The following GRK5 variants were observed in gnomAD, a reference collection of about 807,000 sequenced individuals.
GRK5 encodes G protein-coupled receptor kinase 5.
GRK5 carries 40 observed loss-of-function variants against 78.4 expected under a neutral mutation model. The ratio of observed to expected loss-of-function variants is 0.51; its 90% CI spans 0.40 to 0.66. The LOEUF is 0.66. Among genes scored for constraint, GRK5 ranks in the 30% least tolerant of loss-of-function variants. GRK5 has a pLI of 0.00. For synonymous variants in GRK5, 289 were observed against 296.8 expected, an observed-to-expected ratio of 0.97 and a Z score of 0.27; for missense variants, 598 against 759.9, an observed-to-expected ratio of 0.79 and a Z score of 2.50.
At chr10:119,298,251 C>T (rs1464813432) in intron 1 of GRK5, among the ~76,000 whole-genome samples, 2 of 152,174 alleles carry the variant, frequency 1.3e-5, no homozygotes, top group African/African-American at 4.8e-5. Context: ...ATATACAAGG[C>T]ACAATTCCAA....
intron 2 of GRK5, chr10:119,333,753 C>CA (rs779017406): frequency 9.4e-6 from 5 of 532,214 alleles, no homozygotes; most frequent in African/African-American, 1.9e-5. Flanking sequence ...GCACTGAAAA[C>CA]ATGCTGTCCA....
intron 4 of GRK5, among the ~76,000 whole-genome samples, chr10:119,406,945 G>A (rs1053011280): frequency 6.6e-6 from 1 of 152,204 alleles, no homozygotes; most frequent in East Asian, 1.9e-4. Flanking sequence ...CATATTCCAT[G>A]TTTTGCTAAG....
intron 1 of GRK5, among the ~76,000 whole-genome samples, chr10:119,255,101 G>A (rs1322505383): frequency 6.6e-6 from 1 of 151,634 alleles, no homozygotes; most frequent in Non-Finnish European, 1.5e-5. Context: ...GTATGTATGC[G>A]CAGGTAAGGT....
At chr10:119,389,101 A>T (rs1022800254) in intron 3 of GRK5, among the ~76,000 whole-genome samples, 4 of 152,234 alleles carry the variant, frequency 2.6e-5, no homozygotes, top group African/African-American at 4.8e-5. Context: ...AGGATTATTG[A>T]AGGCCACCTT....
chr10:119,380,902 G>A lies in GRK5; in HGVS notation c.236G>A (p.Cys79Tyr), dbSNP rs777814696. The A allele has an allele frequency of 3.1e-6, 5 of 1,612,080 alleles. No homozygotes were observed. In the South Asian group the frequency reaches 5.5e-5, roughly 18 times the overall value. ...TGTGAAACCAGGCCTGGGCTGGAGT[G>A]TTACATTCAGTTCCTGGACTCCGTG... ...QFCETRPGLE[C>Y]YIQFLDSVAE... Residue 79 changes from cysteine to tyrosine, a missense_variant, in exon 3 of 16, where the codon TGT becomes TAT. Cys to Tyr is a radical substitution (Grantham distance 194). Coordinates refer to ENST00000392870, the MANE Select transcript of GRK5 (RefSeq NM_005308.3).
At chr10:119,383,543 A>T (rs968252316) in intron 3 of GRK5, among the ~76,000 whole-genome samples, 1 of 152,256 alleles carries the variant, frequency 6.6e-6, no homozygotes, top group Non-Finnish European at 1.5e-5. Context: ...GAAATGGTTG[A>T]TTCTTTTCTC....
intron 1 of GRK5, among the ~76,000 whole-genome samples, chr10:119,283,844 A>T (rs1437698132): frequency 1.3e-5 from 2 of 152,212 alleles, no homozygotes; most frequent in Non-Finnish European, 2.9e-5. Context: ...CTGGCAAGAG[A>T]ATGTTTCAAG....
chr10:119,251,756 C>T (rs1475360914), intron 1 of GRK5, among the ~76,000 whole-genome samples: 1 of 152,134 alleles, frequency 6.6e-6, no homozygotes, highest in African/African-American at 2.4e-5. Context: ...CCGGCCTGTG[C>T]GTTGGATGAT....
intron 1 of GRK5, among the ~76,000 whole-genome samples, chr10:119,228,343 T>A: frequency 1.4e-5 from 2 of 147,156 alleles, no homozygotes; most frequent in Non-Finnish European, 1.5e-5. Context: ...ATACCCTGTC[T>A]CAAAAAAAAC....
intron 11 of GRK5, among the ~76,000 whole-genome samples, chr10:119,442,910 T>A (rs6421375): frequency 0.99 from 150,461 of 152,182 alleles, 74,399 homozygotes; most frequent in Middle Eastern, 1. Context: ...GGATGGATGG[T>A]TGGATGGATG....
intron 2 of GRK5, among the ~76,000 whole-genome samples, chr10:119,341,739 C>T (rs951179279): frequency 6.6e-6 from 1 of 152,080 alleles, no homozygotes; most frequent in Admixed American, 6.5e-5. Context: ...CTTGTAGAAT[C>T]TTGTTTAGAT....
chr10:119,345,192 T>C (rs1026338399), intron 2 of GRK5, among the ~76,000 whole-genome samples: 1 of 152,026 alleles, frequency 6.6e-6, no homozygotes, highest in Non-Finnish European at 1.5e-5. Flanking sequence ...ATGGTCTCGA[T>C]CTCCTGACCT....
chr10:119,251,807 A>C (rs922950504), intron 1 of GRK5, among the ~76,000 whole-genome samples: 4 of 152,164 alleles, frequency 2.6e-5, no homozygotes, highest in African/African-American at 9.7e-5. Context: ...TAGTTATGAC[A>C]ACCAAAAATG....
intron 2 of GRK5, among the ~76,000 whole-genome samples, chr10:119,345,081 G>A (rs999143416): frequency 2.6e-5 from 4 of 151,940 alleles, no homozygotes; most frequent in Non-Finnish European, 5.9e-5. Context: ...CAATTCTCCT[G>A]CCTCAGCCTC....
intron 8 of GRK5, among the ~76,000 whole-genome samples, chr10:119,432,932 A>G (rs1852847859): frequency 6.6e-6 from 1 of 152,166 alleles, no homozygotes. Flanking sequence ...TTACCTGGGC[A>G]TGGTGGTGGG....
intron 1 of GRK5, among the ~76,000 whole-genome samples, chr10:119,266,222 G>A (rs1021973230): frequency 7.2e-5 from 11 of 152,196 alleles, no homozygotes; most frequent in East Asian, 5.8e-4. Context: ...TTGGGAGGCC[G>A]AGGTGGGCAG....
intron 1 of GRK5, among the ~76,000 whole-genome samples, chr10:119,247,407 A>G (rs1260776541): frequency 2.0e-5 from 3 of 152,202 alleles, no homozygotes; most frequent in Non-Finnish European, 4.4e-5. Context: ...ATGCCAGTGG[A>G]GCAAACCAAA....
At chr10:119,422,706 C>T (rs1014300574) in intron 4 of GRK5, among the ~76,000 whole-genome samples, 8 of 152,358 alleles carry the variant, frequency 5.3e-5, no homozygotes, top group East Asian at 1.9e-4. Flanking sequence ...GGCCAAGGGG[C>T]GTCACCAAGC....
chr10:119,282,663 G>A (rs965387291), intron 1 of GRK5, among the ~76,000 whole-genome samples: 4 of 152,300 alleles, frequency 2.6e-5, no homozygotes, highest in South Asian at 2.1e-4. Flanking sequence ...GGTTGGCCCC[G>A]GTGGTCTGTG....
Sources: gnomAD v4.1 joint callset for allele counts (sites outside exome capture counted in the v4.1 genomes callset) on GRCh38, gnomAD v4.1.1 for gene constraint, MANE v1.5 for transcripts, NCBI Gene and HGNC (gene_info 2026-07-23, HGNC 2026-07-21) for gene names.